PUM2: variants seen among roughly 807,000 people sequenced by gnomAD.
PUM2 encodes pumilio RNA binding family member 2.
A neutral mutation model predicts 124.5 loss-of-function variants in PUM2; 57 were observed. The ratio of observed to expected loss-of-function variants is 0.46; its 90% CI spans 0.37 to 0.57. The LOEUF (loss-of-function observed/expected upper bound fraction) is 0.57. Ranked by LOEUF, PUM2 falls within the 20% of genes least tolerant of loss-of-function variation. The pLI is 0.00. For synonymous variants in PUM2, 460 were observed against 446.1 expected, an observed-to-expected ratio of 1.03 and a Z score of -0.39; for missense variants, 1,065 against 1,290.6, an observed-to-expected ratio of 0.83 and a Z score of 2.68.
chr2:20,283,166 G>A lies in PUM2; in HGVS notation c.1501C>T (p.Pro501Ser). 6.2e-7 allele frequency: 1 copy of A among 1,614,066 alleles called. No individual in the cohort carries two copies. The highest frequency in any genetic ancestry group is 8.5e-7 in the Non-Finnish European group (1 of 1,180,008). ...LTGSTNGLFR[P>S]IGTQPPQQQQ... ...TGCTGTGGTGGCTGAGTGCCAATTGGCCGAAACAGACCATTTGTGCTGCCT... is the reference window on the plus strand; with the variant it reads ...TGCTGTGGTGGCTGAGTGCCAATTGACCGAAACAGACCATTTGTGCTGCCT... Residue 501 changes from proline to serine, a missense_variant, in exon 12 of 21, where the codon CCA becomes TCA. This residue lies in a region of PUM2 where 968 missense variants were observed against 1,159.8 expected (regional missense o/e 0.83). Coordinates refer to ENST00000361078, the MANE Select transcript of PUM2 (RefSeq NM_015317.5).
intron 9 of PUM2, among the ~76,000 whole-genome samples, chr2:20,291,219 T>C (rs1055031674): frequency 2.6e-5 from 4 of 152,198 alleles, no homozygotes; most frequent in African/African-American, 4.8e-5. Context: ...ATTCCCTCAG[T>C]CCTGCCACCT....
intron 7 of PUM2, among the ~76,000 whole-genome samples, chr2:20,302,492 C>T (rs1677230496): frequency 6.6e-6 from 1 of 152,124 alleles, no homozygotes; most frequent in African/African-American, 2.4e-5. Flanking sequence ...AGGAATGAGA[C>T]CCAATAACCG....
At position 20,256,141 on chromosome 2, in the gene PUM2, A is replaced by C; in HGVS notation, c.2514T>G (p.His838Gln). 1 of 1,598,384 alleles carries C rather than the reference A, an allele frequency of 6.3e-7. No homozygotes were observed. The highest frequency in any genetic ancestry group is 1.4e-5 in the African/African-American group (1 of 73,926). Residue 838 changes from histidine to glutamine, a missense_variant, in exon 17 of 21, where the codon CAT becomes CAG. This residue lies in a region of PUM2 where 968 missense variants were observed against 1,159.8 expected (regional missense o/e 0.83). Coordinates refer to ENST00000361078, the MANE Select transcript of PUM2 (RefSeq NM_015317.5). ...TCTGATCTTTCACACATTTGAGCAC[A>C]TGACCATCCAGCTCCTTTACCATTT... ...QSEMVKELDG[H>Q]VLKCVKDQNG...
At chr2:20,340,162 T>TA (rs951364344) in intron 1 of PUM2, among the ~76,000 whole-genome samples, 6 of 151,754 alleles carry the variant, frequency 4.0e-5, no homozygotes, top group Non-Finnish European at 7.4e-5. Flanking sequence ...TGAACTGGTT[T>TA]AAAAAAAAAT....
rs1191336426 is a variant in PUM2 at position 20,294,480 on chromosome 2, A to T, written c.1048T>A (p.Trp350Arg). The change falls in exon 9 of 21, where the codon TGG (tryptophan) becomes AGG (arginine). Residue 350 changes from tryptophan (W) to arginine (R), a missense_variant. Coordinates refer to ENST00000361078, the MANE Select transcript of PUM2 (RefSeq NM_015317.5). ...AATAAGTTGGCTGGATACACCCCCCATGGAACGCCGTAATACTGAGGTGGA... is the reference window on the plus strand; with the variant it reads ...AATAAGTTGGCTGGATACACCCCCCTTGGAACGCCGTAATACTGAGGTGGA... Reference protein sequence around the residue: ...VVPPQYYGVPWGVYPANLFQQ... With the variant: ...VVPPQYYGVPRGVYPANLFQQ... 6.2e-7 allele frequency: 1 copy of T among 1,614,080 alleles called. No individual in the cohort carries two copies. The highest frequency in any genetic ancestry group is 8.5e-7 in the Non-Finnish European group (1 of 1,180,018).
chr2:20,303,150 T>C (rs778447051), intron 7 of PUM2, among the ~76,000 whole-genome samples: 10 of 152,192 alleles, frequency 6.6e-5, no homozygotes, highest in Non-Finnish European at 1.5e-4. Flanking sequence ...TCCTTGTTGG[T>C]TGACCTACAA....
intron 1 of PUM2, among the ~76,000 whole-genome samples, chr2:20,348,791 C>T (rs758641944): frequency 2.8e-5 from 4 of 145,346 alleles, no homozygotes; most frequent in Non-Finnish European, 6.0e-5. Flanking sequence ...GGCGTGGTGG[C>T]GTGCGCCTGT....
At chr2:20,280,382 AAC>A (rs1297109513) in intron 12 of PUM2, among the ~76,000 whole-genome samples, 2 of 152,302 alleles carry the variant, frequency 1.3e-5, no homozygotes, top group African/African-American at 4.8e-5. Flanking sequence ...ACATGTAATA[AAC>A]AGTTATTCTT....
At chr2:20,320,143 G>A (rs576449637) in intron 2 of PUM2, among the ~76,000 whole-genome samples, 1 of 152,300 alleles carries the variant, frequency 6.6e-6, no homozygotes, top group East Asian at 1.9e-4. Flanking sequence ...GCCAGTGCCT[G>A]TAATCCCAGC....
chr2:20,298,559 C>T (rs11888357), intron 7 of PUM2, among the ~76,000 whole-genome samples: 44,370 of 152,100 alleles, frequency 0.29, 6,723 homozygotes, highest in Middle Eastern at 0.35. Flanking sequence ...TCACGAGACC[C>T]TGTCTCAAAA....
intron 1 of PUM2, among the ~76,000 whole-genome samples, chr2:20,334,464 A>G (rs1243198613): frequency 6.6e-6 from 1 of 152,218 alleles, no homozygotes; most frequent in Non-Finnish European, 1.5e-5. Context: ...TACTAATCAC[A>G]CTTTTATAAT....
chr2:20,261,518 A>G (rs1160164487), intron 14 of PUM2, among the ~76,000 whole-genome samples: 1 of 145,770 alleles, frequency 6.9e-6, no homozygotes, highest in Non-Finnish European at 1.5e-5. Context: ...TTTAGAGTGT[A>G]TTCCACTTGT....
At chr2:20,336,183 T>C (rs1214457404) in intron 1 of PUM2, among the ~76,000 whole-genome samples, 1 of 143,652 alleles carries the variant, frequency 7.0e-6, no homozygotes, top group Non-Finnish European at 1.5e-5. Flanking sequence ...AAGCGTTTTT[T>C]TGTTTTTTTG....
rs144437139 is a variant in PUM2, at chr2:20,297,911, G to A, written c.884-233C>T. 7.0e-4 allele frequency among the ~76,000 whole-genome samples: 106 copies of A among 152,190 alleles called. 1 individual carries two copies. The highest frequency in any genetic ancestry group is 2.5e-3 in the African/African-American group (102 of 41,526). ...TGCTGTGAGAATTAAATGTAATACC[G>A]ATTATGACATAACTGTACTGTCTCG... is the stretch of plus-strand genomic sequence containing the variant. On this transcript the variant is annotated intron_variant, in intron 7 of 20. Transcript: ENST00000361078.
chr2:20,259,032 G>C (rs887688222), intron 15 of PUM2, among the ~76,000 whole-genome samples: 5 of 152,076 alleles, frequency 3.3e-5, no homozygotes, highest in Admixed American at 1.3e-4. Context: ...TCTTCACCCA[G>C]ATAATCATCA....
At chr2:20,318,357 T>C (rs745640636) in intron 3 of PUM2, among the ~76,000 whole-genome samples, 180 bp downstream of exon 3, 8 of 152,198 alleles carry the variant, frequency 5.3e-5, no homozygotes, top group Admixed American at 6.5e-5. Flanking sequence ...ATCCCAGCAC[T>C]TTGGGAGGCC....
chr2:20,252,839 A>G (rs1211351212), intron 20 of PUM2, among the ~76,000 whole-genome samples: 1 of 152,242 alleles, frequency 6.6e-6, no homozygotes, highest in Non-Finnish European at 1.5e-5. Context: ...TGCCATCTGC[A>G]TATGTGGATT....
Position 20,307,967 on chromosome 2 carries a change from T to TGAA in PUM2, c.883+8_883+10dup. ...AGACTTTGGTCAAAATGAGAACGTA[T>TGAA]GAAGACTCACCTATATGTGGCTGCT... is the stretch of plus-strand genomic sequence containing the variant. On this transcript the variant is annotated intron_variant, in intron 7 of 20. Transcript: ENST00000361078. 1 of 1,609,984 alleles carries TGAA rather than the reference T, an allele frequency of 6.2e-7. No individual in the cohort carries two copies. The highest frequency in any genetic ancestry group is 8.5e-7 in the Non-Finnish European group (1 of 1,177,072).
At position 20,312,433 on chromosome 2, in the gene PUM2, A is replaced by G; in HGVS notation, c.161-10T>C. On this transcript the variant is annotated splice_polypyrimidine_tract_variant and intron_variant, in intron 3 of 20. Coordinates refer to ENST00000361078, the MANE Select transcript of PUM2 (RefSeq NM_015317.5). ...TGGGACATTGAATGGTCTGTTTGGAAGAAAAAACACAATTATATACTTATA... is the reference window on the plus strand; with the variant it reads ...TGGGACATTGAATGGTCTGTTTGGAGGAAAAAACACAATTATATACTTATA... 6.2e-7 allele frequency: 1 copy of G among 1,606,820 alleles called. No individual in the cohort carries two copies. Among genetic ancestry groups the G allele is most frequent in the Non-Finnish European group, 8.5e-7 (1 of 1,175,548 alleles).
Sources: gnomAD v4.1 joint callset for allele counts (sites outside exome capture counted in the v4.1 genomes callset) on GRCh38, gnomAD v4.1.1 for gene constraint, gnomAD v4.1.1 regional missense constraint, MANE v1.5 for transcripts, NCBI Gene and HGNC (gene_info 2026-07-23, HGNC 2026-07-21) for gene names.